TBC1D2B: variants seen among roughly 807,000 people sequenced by gnomAD.
TBC1D2B encodes TBC1 domain family, member 2B.
In TBC1D2B, 64 loss-of-function variants were observed where a neutral mutation model predicts 100.8. The observed-to-expected ratio is 0.64, with a 90% CI of 0.52 to 0.78. TBC1D2B has a LOEUF of 0.78. Ranked by LOEUF, TBC1D2B falls within the 30% of genes least tolerant of loss-of-function variation. The probability of loss-of-function intolerance (pLI) is 0.00; values close to 1 mark genes in which losing one functional copy is unlikely to be tolerated. For missense variants in TBC1D2B, 1,052 were observed against 1,218.4 expected, an observed-to-expected ratio of 0.86 and a Z score of 2.03; for synonymous variants, 480 against 479.7, an observed-to-expected ratio of 1.00 and a Z score of -0.01.
At chr15:78,012,764 G>A (rs2072263247) in intron 9 of TBC1D2B, 59 bp downstream of exon 9, 1 of 1,395,998 alleles carries the variant, frequency 7.2e-7, no homozygotes, top group African/African-American at 1.4e-5. Context: ...CTGCCAGGCA[G>A]CACCGGTGCC....
chr15:78,017,794 G>T, intron 7 of TBC1D2B, 53 bp downstream of exon 7: 1 of 1,219,178 alleles, frequency 8.2e-7, no homozygotes, highest in Non-Finnish European at 1.2e-6. Flanking sequence ...ATTTTTAATG[G>T]TTTCCTAACC....
At chr15:78,070,536 G>C (rs558998977) in intron 1 of TBC1D2B, among the ~76,000 whole-genome samples, 73 of 152,372 alleles carry the variant, frequency 4.8e-4, no homozygotes, top group African/African-American at 1.7e-3. Context: ...GTGAGTGAAT[G>C]AGTGGGAAGC....
chr15:78,073,835 T>C (rs1470924044), intron 1 of TBC1D2B, among the ~76,000 whole-genome samples: 1 of 151,550 alleles, frequency 6.6e-6, no homozygotes, highest in African/African-American at 2.4e-5. Context: ...CTGGGAGCGG[T>C]GGCACGCGCC....
intron 10 of TBC1D2B, among the ~76,000 whole-genome samples, chr15:78,005,030 T>A (rs986831495): frequency 3.3e-5 from 5 of 152,314 alleles, no homozygotes; most frequent in Non-Finnish European, 7.4e-5. Flanking sequence ...ATGATGTAAT[T>A]CATTCAGCCT....
chr15:78,077,239 A>C (rs559081118), intron 1 of TBC1D2B, 54 bp downstream of exon 1: 1 of 1,404,656 alleles, frequency 7.1e-7, no homozygotes, highest in Non-Finnish European at 9.2e-7. Flanking sequence ...CCAGTGGCGG[A>C]GGCAGGGGAC....
At chr15:78,069,964 T>G (rs2073718864) in intron 1 of TBC1D2B, among the ~76,000 whole-genome samples, 1 of 152,206 alleles carries the variant, frequency 6.6e-6, no homozygotes, top group Non-Finnish European at 1.5e-5. Flanking sequence ...ACGGTATTTT[T>G]TCACAGCAGC....
chr15:78,063,202 C>T (rs938185791), intron 1 of TBC1D2B, among the ~76,000 whole-genome samples: 1 of 151,890 alleles, frequency 6.6e-6, no homozygotes, highest in Non-Finnish European at 1.5e-5. Flanking sequence ...ATCATGTTTA[C>T]CCATGATAAC....
At position 78,025,304 on chromosome 15, in the gene TBC1D2B, C is replaced by T; in HGVS notation, c.1041G>A (p.Gln347=). 6.2e-7 allele frequency: 1 copy of T among 1,613,902 alleles called. No individual in the cohort carries two copies. The highest frequency in any genetic ancestry group is 8.5e-7 in the Non-Finnish European group (1 of 1,179,896). ...ASEMQLQVQS[Q]QEELEQLKKD... ...TCTTTAACTGTTCCAGCTCTTCCTG[C>T]TGGCTCTGGACCTGCAGTTGCATTT... Residue 347 remains glutamine, a synonymous_variant, in exon 5 of 13, where the codon CAG becomes CAA. Coordinates refer to ENST00000300584, the MANE Select transcript of TBC1D2B (RefSeq NM_144572.2).
chr15:78,043,176 G>T (rs1256429556), intron 3 of TBC1D2B, among the ~76,000 whole-genome samples: 2 of 152,028 alleles, frequency 1.3e-5, no homozygotes, highest in Non-Finnish European at 2.9e-5. Flanking sequence ...AACCACGAAG[G>T]TACAAAAAAG....
intron 6 of TBC1D2B, among the ~76,000 whole-genome samples, chr15:78,018,400 T>C (rs1596311697): frequency 6.6e-6 from 1 of 152,172 alleles, no homozygotes; most frequent in East Asian, 1.9e-4. Flanking sequence ...GTAAAAAAAG[T>C]CTACATACAT....
chr15:78,023,306 A>G (rs969452445), intron 6 of TBC1D2B, among the ~76,000 whole-genome samples: 2 of 152,188 alleles, frequency 1.3e-5, no homozygotes, highest in African/African-American at 4.8e-5. Context: ...TGCTGGGGTC[A>G]AACAGGCTAT....
chr15:78,037,627 T>C (rs1337016081), intron 3 of TBC1D2B, among the ~76,000 whole-genome samples: 2 of 130,372 alleles, frequency 1.5e-5, no homozygotes, highest in Admixed American at 1.6e-4. Flanking sequence ...GAGAGGAAGA[T>C]GCAGCAGGGT....
At chr15:77,999,680 C>G (rs1346026504) in intron 12 of TBC1D2B, among the ~76,000 whole-genome samples, 2 of 152,202 alleles carry the variant, frequency 1.3e-5, no homozygotes, top group Non-Finnish European at 2.9e-5. Context: ...CCCACAAACC[C>G]CAAACCTACG....
In TBC1D2B at chr15:78,025,256, T is replaced by C; in HGVS notation, c.1086+3A>G. 1.2e-6 allele frequency: 2 copies of C among 1,611,654 alleles called. No homozygotes were observed. Among genetic ancestry groups the C allele is most frequent in the Non-Finnish European group, 1.7e-6 (2 of 1,178,364 alleles). Reference sequence around the variant, plus strand: ...TAAGACAGAAGCCAGAAGAAGAAGTTACCTTCTGACTGGACAGGTCTTTCT... The same window carrying C: ...TAAGACAGAAGCCAGAAGAAGAAGTCACCTTCTGACTGGACAGGTCTTTCT... On this transcript the variant is annotated splice_donor_region_variant and intron_variant, in intron 5 of 12. Coordinates refer to ENST00000300584, the MANE Select transcript of TBC1D2B (RefSeq NM_144572.2).
Position 78,013,271 on chromosome 15 carries a change from C to T in TBC1D2B, c.1822G>A (p.Glu608Lys). The T allele has an allele frequency of 6.2e-7, 1 of 1,613,904 alleles. No individual in the cohort carries two copies. Among genetic ancestry groups the T allele is most frequent in the South Asian group, 1.1e-5 (1 of 91,066 alleles). Residue 608 changes from glutamate to lysine, a missense_variant, in exon 9 of 13, where the codon GAA becomes AAA. Glu to Lys is a moderately conservative substitution (Grantham distance 56). Transcript: ENST00000300584. Reference protein sequence around the residue: ...GFRTVPEDDEEEKLVAKVRAL... With the variant: ...GFRTVPEDDEKEKLVAKVRAL... ...CGGACCTTGGCAACCAATTTCTCTT[C>T]CTCATCATCCTCAGGTACAGTCCTG...
intron 4 of TBC1D2B, 174 bp from the exon 5 acceptor site, chr15:78,025,671 C>T (rs2072646571): frequency 2.4e-6 from 1 of 411,180 alleles, no homozygotes; most frequent in African/African-American, 2.1e-5. Flanking sequence ...GGACTACAAG[C>T]ACCCGCCACC....
At chr15:78,048,605 G>T (rs965390035) in intron 2 of TBC1D2B, among the ~76,000 whole-genome samples, 1 of 152,186 alleles carries the variant, frequency 6.6e-6, no homozygotes, top group African/African-American at 2.4e-5. Flanking sequence ...GGGAGTTTCC[G>T]ACTGCATTGT....
At position 78,007,595 on chromosome 15, in the gene TBC1D2B, A is replaced by G. The variant is rs577348415; in HGVS notation, c.2388+1402T>C. Among the ~76,000 whole-genome samples, 3 of 152,298 alleles carry G rather than the reference A, an allele frequency of 2.0e-5. No individual in the cohort carries two copies. In the East Asian group the frequency reaches 5.8e-4, roughly 29 times the overall value. On this transcript the variant is annotated intron_variant, in intron 10 of 12. Transcript: ENST00000300584. Reference sequence around the variant, plus strand: ...AGGCAGAAATGCGAATGCAAAGAACACTTGCTCAGGGTCCAGCCAGGAAAA... The same window carrying G: ...AGGCAGAAATGCGAATGCAAAGAACGCTTGCTCAGGGTCCAGCCAGGAAAA...
At chr15:78,076,796 A>G (rs1262870088) in intron 1 of TBC1D2B, among the ~76,000 whole-genome samples, 2 of 152,224 alleles carry the variant, frequency 1.3e-5, no homozygotes, top group Admixed American at 6.5e-5. Flanking sequence ...ACATTTACTG[A>G]GCAGTTTAAA....
Sources: allele counts gnomAD v4.1 joint callset (sites outside exome capture counted in the v4.1 genomes callset), GRCh38; gene constraint gnomAD v4.1.1; transcripts MANE v1.5; gene names NCBI Gene and HGNC (gene_info 2026-07-23, HGNC 2026-07-21).